Variants in ARHGAP42 observed in about 807,000 individuals in gnomAD.
The protein encoded by ARHGAP42 is rho GTPase-activating protein 42.
Under a neutral mutation model 125.0 loss-of-function variants are expected in ARHGAP42, and 63 were observed. That is an observed-to-expected ratio of 0.50 (90% CI 0.41 to 0.62). The LOEUF is 0.62. Ranked by LOEUF, ARHGAP42 falls within the 20% of genes least tolerant of loss-of-function variation. ARHGAP42 has a pLI of 0.00. For missense variants in ARHGAP42, 766 were observed against 1,024.2 expected (o/e 0.75, Z 3.44); for synonymous variants, 339 against 351.0 (o/e 0.97, Z 0.38).
chr11:100,698,428 G>A (rs1861327567), intron 1 of ARHGAP42, among the ~76,000 whole-genome samples: 1 of 152,172 alleles, frequency 6.6e-6, no homozygotes, highest in African/African-American at 2.4e-5. Flanking sequence ...CCATGATCAC[G>A]CCACTGTACT....
intron 3 of ARHGAP42, among the ~76,000 whole-genome samples, chr11:100,817,178 G>C (rs1454522985): frequency 6.6e-6 from 1 of 152,196 alleles, no homozygotes; most frequent in Non-Finnish European, 1.5e-5. Context: ...ACTATTTCAT[G>C]TGTTGTAGGA....
At chr11:100,832,524 C>T (rs1293160842) in intron 3 of ARHGAP42, among the ~76,000 whole-genome samples, 1 of 152,162 alleles carries the variant, frequency 6.6e-6, no homozygotes, top group Non-Finnish European at 1.5e-5. Flanking sequence ...AAAAGTCTTC[C>T]TAACACGATG....
At chr11:100,885,883 G>C (rs1186453364) in intron 4 of ARHGAP42, among the ~76,000 whole-genome samples, 3 of 152,194 alleles carry the variant, frequency 2.0e-5, no homozygotes. Flanking sequence ...ATCCTCTTCA[G>C]ATTTTCACAA....
chr11:100,731,950 T>C (rs1202389899), intron 1 of ARHGAP42, among the ~76,000 whole-genome samples: 7 of 151,818 alleles, frequency 4.6e-5, no homozygotes, highest in Non-Finnish European at 5.9e-5. Context: ...AACTCTTTTT[T>C]TTTTCTTTTT....
At chr11:100,923,054 A>G (rs1214619432) in intron 6 of ARHGAP42, among the ~76,000 whole-genome samples, 1 of 152,208 alleles carries the variant, frequency 6.6e-6, no homozygotes. Context: ...TAAACTTTAT[A>G]TGACCTAGAG....
chr11:100,955,120 C>T (rs1857769817), intron 12 of ARHGAP42, among the ~76,000 whole-genome samples: 1 of 152,034 alleles, frequency 6.6e-6, no homozygotes, highest in Non-Finnish European at 1.5e-5. Context: ...TTTTTCCTTT[C>T]CTCATGGCTG....
chr11:100,856,551 G>A (rs1267589271), intron 3 of ARHGAP42, among the ~76,000 whole-genome samples: 1 of 152,016 alleles, frequency 6.6e-6, no homozygotes, highest in Non-Finnish European at 1.5e-5. Context: ...TACATATTGT[G>A]AACAGCAGCC....
chr11:100,810,348 A>G (rs929018309), intron 3 of ARHGAP42, among the ~76,000 whole-genome samples: 5 of 152,218 alleles, frequency 3.3e-5, no homozygotes, highest in African/African-American at 9.6e-5. Flanking sequence ...ACTGATAGCA[A>G]TTTGGTTAAC....
intron 3 of ARHGAP42, among the ~76,000 whole-genome samples, chr11:100,807,519 C>T (rs149321216): frequency 6.6e-6 from 1 of 152,220 alleles, no homozygotes; most frequent in East Asian, 1.9e-4. Context: ...GTTATTTGAT[C>T]CTTACAACAA....
At chr11:100,910,087 G>A (rs1265677634) in intron 4 of ARHGAP42, among the ~76,000 whole-genome samples, 1 of 152,072 alleles carries the variant, frequency 6.6e-6, no homozygotes, top group African/African-American at 2.4e-5. Flanking sequence ...AGATTAGAAA[G>A]CCAACTGATT....
chr11:100,700,646 T>C (rs1199634612), intron 1 of ARHGAP42, among the ~76,000 whole-genome samples: 4 of 152,224 alleles, frequency 2.6e-5, no homozygotes, highest in Admixed American at 1.3e-4. Context: ...AAGAAGCAAC[T>C]CTTCATTCGT....
rs36017086 is a variant in ARHGAP42, at chr11:100,715,048, CAAAAAAA to C, written c.154+27236_154+27242del. Among the ~76,000 whole-genome samples the C allele has an allele frequency of 2.1e-4, 13 of 61,888 alleles. No homozygotes were observed. The South Asian group carries it at 5.2e-3, about 25-fold the overall frequency. 40.6% of individuals were successfully genotyped at this position (61,888 alleles called of 152,430 possible). A position where few individuals can be genotyped will look rare whatever the true frequency, so the allele number is the denominator to read the frequency against. On this transcript the variant is annotated intron_variant, in intron 1 of 23. Transcript: ENST00000298815. ...TGGGCGATGCAGTGAAACCCTATCT[CAAAAAAA>C]AAAAAAAAAAAAAAAAAAAGTTTAT...
At position 100,910,863 on chromosome 11, in the gene ARHGAP42, G is replaced by T. The variant is rs1291434008; in HGVS notation, c.385-2589G>T. On this transcript the variant is annotated intron_variant, in intron 4 of 23. Coordinates refer to ENST00000298815, the MANE Select transcript of ARHGAP42 (RefSeq NM_152432.4). ...TGGAACCCTTGAGATCTTTTTTTCT[G>T]GCCTGGTGGTGTGAAGGGGCCTGGT... Among the ~76,000 whole-genome samples, 5 of 151,642 alleles carry T rather than the reference G, an allele frequency of 3.3e-5. No individual in the cohort carries two copies. In the East Asian group the frequency reaches 9.6e-4, roughly 29 times the overall value.
intron 3 of ARHGAP42, among the ~76,000 whole-genome samples, chr11:100,800,207 G>C (rs1181886203): frequency 6.6e-6 from 1 of 152,192 alleles, no homozygotes; most frequent in African/African-American, 2.4e-5. Flanking sequence ...GGATTAAGGA[G>C]ACATGGATTT....
intron 1 of ARHGAP42, among the ~76,000 whole-genome samples, chr11:100,702,694 G>A (rs1456006550): frequency 6.9e-6 from 1 of 145,336 alleles, no homozygotes; most frequent in East Asian, 2.0e-4. Context: ...TTTTTGACAC[G>A]GAGTTTTGCT....
intron 12 of ARHGAP42, among the ~76,000 whole-genome samples, chr11:100,954,659 T>C (rs7952007): frequency 0.88 from 133,979 of 151,914 alleles, 59,174 homozygotes; most frequent in East Asian, 1. Flanking sequence ...TTCTTTGCCA[T>C]ATAATCCCCT....
intron 1 of ARHGAP42, among the ~76,000 whole-genome samples, chr11:100,732,627 A>G (rs1459512945): frequency 1.3e-5 from 2 of 152,186 alleles, no homozygotes; most frequent in East Asian, 3.8e-4. Context: ...AGTCCTGGAC[A>G]AGATTGATAG....
intron 2 of ARHGAP42, among the ~76,000 whole-genome samples, chr11:100,778,868 C>A (rs2135004218): frequency 6.6e-6 from 1 of 152,198 alleles, no homozygotes; most frequent in Non-Finnish European, 1.5e-5. Context: ...GACATTAATC[C>A]CCTAAAACCT....
At chr11:100,694,889 G>A (rs1247972370) in intron 1 of ARHGAP42, among the ~76,000 whole-genome samples, 4 of 152,186 alleles carry the variant, frequency 2.6e-5, no homozygotes, top group African/African-American at 9.7e-5. Flanking sequence ...AAGTTAGCCA[G>A]GCATGGTTGT....
Sources: gnomAD v4.1 joint callset for allele counts (sites outside exome capture counted in the v4.1 genomes callset) on GRCh38, gnomAD v4.1.1 for gene constraint, MANE v1.5 for transcripts, NCBI Gene and HGNC (gene_info 2026-07-23, HGNC 2026-07-21) for gene names.